The following ONECUT2 variants were observed in gnomAD, a reference collection of about 807,000 sequenced individuals.
The protein encoded by ONECUT2 is one cut domain family member 2.
A neutral mutation model predicts 27.9 loss-of-function variants in ONECUT2; 10 were observed. That is an observed-to-expected ratio of 0.36 (90% CI 0.22 to 0.61). The LOEUF (loss-of-function observed/expected upper bound fraction) is 0.61. ONECUT2 is among the 20% of genes least tolerant of loss of function. ONECUT2 has a pLI of 0.73. For synonymous variants in ONECUT2, 334 were observed against 315.1 expected, an observed-to-expected ratio of 1.06 and a Z score of -0.64; for missense variants, 686 against 721.0, an observed-to-expected ratio of 0.95 and a Z score of 0.56.
In ONECUT2 at chr18:57,436,647, A is replaced by G. The variant is rs765235435; in HGVS notation, c.931A>G (p.Ser311Gly). 5 of 1,612,258 alleles carry G rather than the reference A, an allele frequency of 3.1e-6. No individual in the cohort carries two copies. In the Middle Eastern group the frequency reaches 6.6e-4, roughly 213 times the overall value. Reference protein sequence around the residue: ...TQSHGPVLAPSRERPPSSSSG... With the variant: ...TQSHGPVLAPGRERPPSSSSG... ...GTCTCACGGGCCGGTGCTGGCACCC[A>G]GTCGCGAGCGGCCACCCTCGTCCTC... Residue 311 changes from serine to glycine, a missense_variant, in exon 1 of 2, where the codon AGT becomes GGT. By Grantham distance (56) the Ser-to-Gly change is moderately conservative. Transcript: ENST00000491143. The surrounding 1 kb of genome is among the most constrained non-coding windows in gnomAD (Gnocchi z 5.9).
chr18:57,456,961 G>A (rs189455701), intron 1 of ONECUT2, among the ~76,000 whole-genome samples: 25 of 152,206 alleles, frequency 1.6e-4, no homozygotes, highest in African/African-American at 2.2e-4. Context: ...CCATCAATAC[G>A]GTGACTTCCT....
At chr18:57,442,085 TC>T (rs2050178008) in intron 1 of ONECUT2, among the ~76,000 whole-genome samples, 1 of 150,660 alleles carries the variant, frequency 6.6e-6, no homozygotes, top group Non-Finnish European at 1.5e-5. Flanking sequence ...TTAAAGCTCT[TC>T]CTTCCCGCTT....
In ONECUT2 at chr18:57,485,122, C is replaced by T. The variant is rs567559232; in HGVS notation, c.*8399C>T. 6.6e-6 allele frequency: 1 copy of T among 152,236 alleles called. No homozygotes were observed. Among genetic ancestry groups the T allele is most frequent in the South Asian group, 2.1e-4 (1 of 4,828 alleles). The allele number at this position is 152,236 out of a possible 1,614,324, so 9.4% of individuals were successfully genotyped here. On this transcript the variant is annotated 3_prime_UTR_variant, in exon 2 of 2. Coordinates refer to ENST00000491143, the MANE Select transcript of ONECUT2 (RefSeq NM_004852.3). ...CCATTACAAAGCATTGTATAGATAA[C>T]TTTTTAATTCAGTAGGAGGAGAAAG... is the stretch of plus-strand genomic sequence containing the variant.
chr18:57,476,049 A>C (rs938437532), intron 1 of ONECUT2, among the ~76,000 whole-genome samples: 23 of 152,124 alleles, frequency 1.5e-4, no homozygotes, highest in African/African-American at 3.6e-4. Flanking sequence ...GAGAGGGTGA[A>C]TATGAAAGAG....
At chr18:57,446,512 C>T (rs370287525) in intron 1 of ONECUT2, among the ~76,000 whole-genome samples, 8 of 152,044 alleles carry the variant, frequency 5.3e-5, no homozygotes, top group African/African-American at 1.7e-4. Context: ...GGGCTTCCAC[C>T]GCCAGCAGGT....
Position 57,437,057 on chromosome 18 carries a change from C to A in ONECUT2, c.1228+113C>A, listed in dbSNP as rs1230385378. The A allele has an allele frequency of 6.2e-6, 9 of 1,442,522 alleles. No homozygotes were observed. The East Asian group carries it at 2.2e-4, about 36-fold the overall frequency. 89.4% of individuals were successfully genotyped at this position (1,442,522 alleles called of 1,614,324 possible). A position where few individuals can be genotyped will look rare whatever the true frequency, so the allele number is the denominator to read the frequency against. ...TTCTCTTGATTCTTTCCTTCTCTTTCCTATACACGTCCTCTTTCTTCTCGT... is the reference window on the plus strand; with the variant it reads ...TTCTCTTGATTCTTTCCTTCTCTTTACTATACACGTCCTCTTTCTTCTCGT... On this transcript the variant is annotated intron_variant, in intron 1 of 1. Coordinates refer to ENST00000491143, the MANE Select transcript of ONECUT2 (RefSeq NM_004852.3).
intron 1 of ONECUT2, among the ~76,000 whole-genome samples, chr18:57,447,380 C>T (rs606196): frequency 0.88 from 134,086 of 152,230 alleles, 60,408 homozygotes; most frequent in Non-Finnish European, 0.99. Flanking sequence ...CCAGTATCTC[C>T]AGCTCTGTAG....
chr18:57,472,241 G>A (rs1236012088), intron 1 of ONECUT2, among the ~76,000 whole-genome samples: 2 of 152,216 alleles, frequency 1.3e-5, no homozygotes, highest in African/African-American at 4.8e-5. Flanking sequence ...ACTATAGAGT[G>A]TAGTAATTGA....
At chr18:57,452,575 C>T (rs1187362734) in intron 1 of ONECUT2, among the ~76,000 whole-genome samples, 2 of 152,152 alleles carry the variant, frequency 1.3e-5, no homozygotes, top group African/African-American at 4.8e-5. Context: ...CAGGTGCCCA[C>T]CACTATGCCC....
intron 1 of ONECUT2, among the ~76,000 whole-genome samples, chr18:57,455,291 G>C (rs563060268): frequency 3.5e-4 from 53 of 152,272 alleles, no homozygotes; most frequent in Non-Finnish European, 6.3e-4. Context: ...AAAACCTGTA[G>C]ACATCCAGAT....
chr18:57,480,905 A>G lies in ONECUT2; in HGVS notation c.*4182A>G. 6.6e-6 allele frequency: 1 copy of G among 152,216 alleles called. No homozygotes were observed. Among genetic ancestry groups the G allele is most frequent in the East Asian group, 1.9e-4 (1 of 5,204 alleles). The allele number at this position is 152,216 out of a possible 1,614,324, so 9.4% of individuals were successfully genotyped here. On this transcript the variant is annotated 3_prime_UTR_variant, in exon 2 of 2. Coordinates refer to ENST00000491143, the MANE Select transcript of ONECUT2 (RefSeq NM_004852.3). Reference sequence around the variant, plus strand: ...TTATAGTTTAGTATCCATTACCTCAATCCAAGGAAAATTCCAGGCATTCCT... The same window carrying G: ...TTATAGTTTAGTATCCATTACCTCAGTCCAAGGAAAATTCCAGGCATTCCT...
At chr18:57,449,555 T>C (rs113555538) in intron 1 of ONECUT2, among the ~76,000 whole-genome samples, 171 of 152,350 alleles carry the variant, frequency 1.1e-3, no homozygotes, top group African/African-American at 4.1e-3. Context: ...CTTATCCAAA[T>C]CTTCAGATTA....
Position 57,485,143 on chromosome 18 carries a change from G to A in ONECUT2, c.*8420G>A, listed in dbSNP as rs2050432429. The A allele has an allele frequency of 6.6e-6, 1 of 152,144 alleles. No homozygotes were observed. Among genetic ancestry groups the A allele is most frequent in the Non-Finnish European group, 1.5e-5 (1 of 68,024 alleles). 9.4% of individuals were successfully genotyped at this position (152,144 alleles called of 1,614,324 possible). A position where few individuals can be genotyped will look rare whatever the true frequency, so the allele number is the denominator to read the frequency against. ...ATAACTTTTTAATTCAGTAGGAGGA[G>A]AAAGTTCATTCTTGGCCTGTTGGCT... On this transcript the variant is annotated 3_prime_UTR_variant, in exon 2 of 2. Coordinates refer to ENST00000491143, the MANE Select transcript of ONECUT2 (RefSeq NM_004852.3).
chr18:57,467,667 T>A (rs1311384407), intron 1 of ONECUT2, among the ~76,000 whole-genome samples: 1 of 152,204 alleles, frequency 6.6e-6, no homozygotes, highest in Admixed American at 6.5e-5. Context: ...ACCTGGCCTA[T>A]CATCCACATT....
At chr18:57,472,776 C>A (rs2050361155) in intron 1 of ONECUT2, among the ~76,000 whole-genome samples, 1 of 151,936 alleles carries the variant, frequency 6.6e-6, no homozygotes, top group Admixed American at 6.5e-5. Flanking sequence ...GGACCTGTAC[C>A]CAAACTGTCT....
chr18:57,436,778 G>T lies in ONECUT2; in HGVS notation c.1062G>T (p.Ala354=), dbSNP rs747369315. The part of the protein sequence containing the change: ...AELKRYSIPQ[A]IFAQRVLCRS... Reference sequence around the variant, plus strand: ...TGAAGCGCTACAGTATCCCCCAGGCGATCTTTGCGCAGAGGGTGCTGTGCC... The same window carrying T: ...TGAAGCGCTACAGTATCCCCCAGGCTATCTTTGCGCAGAGGGTGCTGTGCC... The change falls in exon 1 of 2, where the codon GCG becomes GCT. Residue 354 remains alanine (A), a synonymous_variant. Coordinates refer to ENST00000491143, the MANE Select transcript of ONECUT2 (RefSeq NM_004852.3). This position sits in a 1 kb window ranked among gnomAD's most constrained non-coding sequence, Gnocchi z 5.9. The T allele has an allele frequency of 3.1e-6, 5 of 1,613,966 alleles. No homozygotes were observed. The highest frequency in any genetic ancestry group is 4.2e-6 in the Non-Finnish European group (5 of 1,180,054).
intron 1 of ONECUT2, among the ~76,000 whole-genome samples, chr18:57,461,775 T>TA (rs1171657665): frequency 3.3e-5 from 5 of 152,230 alleles, no homozygotes; most frequent in Non-Finnish European, 7.3e-5. Flanking sequence ...CCCCAGCCCT[T>TA]CTGGCCTGCA....
rs996079755 is a variant in ONECUT2 at position 57,484,086 on chromosome 18, A to T, written c.*7363A>T. ...GCTTCTATACAGAAACTGGAAAAAT[A>T]AATTTTAAAAAAATCGTAAACAAAA... On this transcript the variant is annotated 3_prime_UTR_variant, in exon 2 of 2. Transcript: ENST00000491143. The T allele has an allele frequency of 6.6e-6, 1 of 152,584 alleles. No individual in the cohort carries two copies. Among genetic ancestry groups the T allele is most frequent in the Non-Finnish European group, 1.5e-5 (1 of 68,048 alleles). The allele number at this position is 152,584 out of a possible 1,614,324, so 9.5% of individuals were successfully genotyped here.
At chr18:57,451,944 G>T (rs1016326239) in intron 1 of ONECUT2, among the ~76,000 whole-genome samples, 1 of 152,160 alleles carries the variant, frequency 6.6e-6, no homozygotes, top group Non-Finnish European at 1.5e-5. Context: ...TGAGGAATGG[G>T]GGGGGCGGTG....
Sources: allele counts gnomAD v4.1 joint callset (sites outside exome capture counted in the v4.1 genomes callset), GRCh38; gene constraint gnomAD v4.1.1; non-coding constraint Gnocchi (gnomAD v3.1); transcripts MANE v1.5; gene names NCBI Gene and HGNC (gene_info 2026-07-23, HGNC 2026-07-21).